Variants in TBL1XR1 observed in about 807,000 individuals in gnomAD.
The protein encoded by TBL1XR1 is F-box-like/WD repeat-containing protein TBL1XR1.
TBL1XR1 carries 5 observed loss-of-function variants against 66.9 expected under a neutral mutation model. The ratio of observed to expected loss-of-function variants is 0.07; its 90% CI spans 0.04 to 0.16. TBL1XR1 has a LOEUF of 0.16. Among genes scored for constraint, TBL1XR1 ranks in the 10% least tolerant of loss-of-function variants. The pLI is 1.00. For missense variants in TBL1XR1, 238 were observed against 623.2 expected, an observed-to-expected ratio of 0.38 and a Z score of 6.58; for synonymous variants, 210 against 206.0, an observed-to-expected ratio of 1.02 and a Z score of -0.17.
In TBL1XR1 at chr3:177,197,280, G is replaced by A. The variant is rs1195039217; in HGVS notation, c.-281C>T. On this transcript the variant is annotated 5_prime_UTR_variant, in exon 1 of 16. Transcript: ENST00000457928. Reference sequence around the variant, plus strand: ...AACCCCAGCGAGCGGAGGGCGCGGGGGATGGGCGCCGGGCGGGCGGGGGCG... The same window carrying A: ...AACCCCAGCGAGCGGAGGGCGCGGGAGATGGGCGCCGGGCGGGCGGGGGCG... The A allele has an allele frequency of 2.0e-5, 3 of 150,868 alleles. No homozygotes were observed. Among genetic ancestry groups the A allele is most frequent in the African/African-American group, 7.3e-5 (3 of 41,228 alleles). The allele number at this position is 150,868 out of a possible 1,614,324, so 9.3% of individuals were successfully genotyped here.
At chr3:177,148,914 G>A (rs561447327) in intron 1 of TBL1XR1, among the ~76,000 whole-genome samples, 1 of 151,258 alleles carries the variant, frequency 6.6e-6, no homozygotes, top group South Asian at 2.1e-4. Context: ...TAAGGCAGGA[G>A]AATGACTTGA....
intron 1 of TBL1XR1, among the ~76,000 whole-genome samples, chr3:177,185,310 T>A (rs1313285093): frequency 7.2e-5 from 11 of 152,054 alleles, no homozygotes. Context: ...CCCCTTAAGT[T>A]AAAATAGCAG....
At chr3:177,068,600 G>C (rs1719466123) in intron 2 of TBL1XR1, among the ~76,000 whole-genome samples, 1 of 152,142 alleles carries the variant, frequency 6.6e-6, no homozygotes, top group Non-Finnish European at 1.5e-5. Context: ...ACTCAGTTCA[G>C]CATATACTCG....
chr3:177,132,392 T>C (rs144762382), intron 1 of TBL1XR1, among the ~76,000 whole-genome samples: 16 of 152,330 alleles, frequency 1.1e-4, no homozygotes, highest in African/African-American at 3.6e-4. Flanking sequence ...GGAGGCACCC[T>C]TTGCTTGTGA....
chr3:177,069,783 AAAAGGAAGGAAAGGAAGGAAGGAAGG>A (rs1413505666), intron 2 of TBL1XR1, among the ~76,000 whole-genome samples: 1 of 95,382 alleles, frequency 1.0e-5, no homozygotes, highest in African/African-American at 4.1e-5. Flanking sequence ...GAAAGGAAGG[AAAAGGAAGGAAAGGAAGGAAGGAAGG>A]AAGGAAGGAA....
intron 7 of TBL1XR1, among the ~76,000 whole-genome samples, chr3:177,048,444 C>G (rs529733463): frequency 3.5e-4 from 53 of 152,268 alleles, no homozygotes; most frequent in Non-Finnish European, 7.1e-4. Context: ...TCACATCTCT[C>G]AAGCCATTTA....
chr3:177,106,391 A>G (rs1724893012), intron 1 of TBL1XR1, among the ~76,000 whole-genome samples: 1 of 152,236 alleles, frequency 6.6e-6, no homozygotes, highest in South Asian at 2.1e-4. Flanking sequence ...CGTGCGCCCC[A>G]TCCCTTTCTA....
Position 177,197,370 on chromosome 3 carries a change from G to C in TBL1XR1, c.-371C>G, listed in dbSNP as rs1446742482. 1 of 146,226 alleles carries C rather than the reference G, an allele frequency of 6.8e-6. No individual in the cohort carries two copies. The highest frequency in any genetic ancestry group is 1.5e-5 in the Non-Finnish European group (1 of 65,628). 9.1% of individuals were successfully genotyped at this position (146,226 alleles called of 1,614,324 possible). A position where few individuals can be genotyped will look rare whatever the true frequency, so the allele number is the denominator to read the frequency against. Reference sequence around the variant, plus strand: ...CTCCCGCCGCGGGGGGAGGGGCGGGGGCGCACGCGGCCGGCGGCGGGGGGA... The same window carrying C: ...CTCCCGCCGCGGGGGGAGGGGCGGGCGCGCACGCGGCCGGCGGCGGGGGGA... On this transcript the variant is annotated 5_prime_UTR_variant, in exon 1 of 16. Coordinates refer to ENST00000457928, the MANE Select transcript of TBL1XR1 (RefSeq NM_024665.7).
intron 15 of TBL1XR1, 77 bp downstream of exon 15, chr3:177,026,296 G>T: frequency 8.9e-7 from 1 of 1,124,784 alleles, no homozygotes; most frequent in South Asian, 1.5e-5. Flanking sequence ...AAAACACTTT[G>T]GTATCACTAA....
intron 1 of TBL1XR1, among the ~76,000 whole-genome samples, chr3:177,143,129 CAT>C (rs1000258549): frequency 4.4e-4 from 67 of 151,598 alleles, no homozygotes; most frequent in African/African-American, 1.3e-3. Context: ...AAGCTTTGTT[CAT>C]ATGAGTTTTA....
intron 2 of TBL1XR1, among the ~76,000 whole-genome samples, chr3:177,068,137 T>C (rs1404551605): frequency 1.3e-5 from 2 of 152,292 alleles, no homozygotes; most frequent in African/African-American, 4.8e-5. Context: ...GCTTATTAAA[T>C]AAACAGGATA....
intron 1 of TBL1XR1, among the ~76,000 whole-genome samples, chr3:177,104,147 T>C (rs1724583640): frequency 7.7e-6 from 1 of 130,558 alleles, no homozygotes; most frequent in Non-Finnish European, 1.7e-5. Flanking sequence ...GAGAGAAATA[T>C]ATAAGAATTC....
At chr3:177,149,126 T>C (rs1730590579) in intron 1 of TBL1XR1, among the ~76,000 whole-genome samples, 1 of 152,238 alleles carries the variant, frequency 6.6e-6, no homozygotes, top group South Asian at 2.1e-4. Context: ...ATTTGGCTTT[T>C]GATGATGGCA....
intron 1 of TBL1XR1, among the ~76,000 whole-genome samples, chr3:177,192,620 T>C (rs903276879): frequency 6.6e-6 from 1 of 152,146 alleles, no homozygotes; most frequent in Non-Finnish European, 1.5e-5. Context: ...TTCAAATGGG[T>C]TACTTAGGAA....
intron 1 of TBL1XR1, among the ~76,000 whole-genome samples, chr3:177,112,107 A>ATTTTTTTT (rs71170852): frequency 7.7e-4 from 29 of 37,636 alleles, no homozygotes; most frequent in East Asian, 5.3e-3. Context: ...ATATATATAT[A>ATTTTTTTT]TTTTTTTTTT....
intron 1 of TBL1XR1, among the ~76,000 whole-genome samples, chr3:177,100,104 T>C (rs1398891140): frequency 1.3e-5 from 2 of 152,024 alleles, no homozygotes; most frequent in Admixed American, 1.3e-4. Context: ...CCAGGCATGG[T>C]GGCGCATGGC....
chr3:177,091,383 T>C (rs771119371), intron 2 of TBL1XR1, among the ~76,000 whole-genome samples: 20 of 152,134 alleles, frequency 1.3e-4, no homozygotes, highest in Non-Finnish European at 2.5e-4. Context: ...TTTTCTATTA[T>C]GTTTACATAT....
chr3:177,033,208 TCCC>T, intron 13 of TBL1XR1, 72 bp from the exon 14 acceptor site: 1 of 1,319,820 alleles, frequency 7.6e-7, no homozygotes, highest in Non-Finnish European at 9.9e-7. Context: ...CCACCCAACC[TCCC>T]ATATTCAGCC....
chr3:177,078,837 T>A (rs1721030194), intron 2 of TBL1XR1: 1 of 151,624 alleles, frequency 6.6e-6, no homozygotes, highest in African/African-American at 2.4e-5. Context: ...TAGTCCCAGC[T>A]ACTCGGGAGG....
Sources: gnomAD v4.1 joint callset for allele counts (sites outside exome capture counted in the v4.1 genomes callset) on GRCh38, gnomAD v4.1.1 for gene constraint, MANE v1.5 for transcripts, NCBI Gene and HGNC (gene_info 2026-07-23, HGNC 2026-07-21) for gene names.